OR2M3: variants seen among roughly 807,000 people sequenced by gnomAD.
OR2M3 encodes the protein olfactory receptor 2M3.
A neutral mutation model predicts 4.3 loss-of-function variants in OR2M3; 1 was observed. That is an observed-to-expected ratio of 0.23 (90% CI 0.08 to 1.11). OR2M3 has a LOEUF of 1.11. Ranked by LOEUF, OR2M3 falls within the 50% of genes most tolerant of loss-of-function variation. The probability of loss-of-function intolerance (pLI) is 0.54; values close to 1 mark genes in which losing one functional copy is unlikely to be tolerated. For synonymous variants in OR2M3, 151 were observed against 139.4 expected (o/e 1.08, Z -0.59); for missense variants, 410 against 390.4 (o/e 1.05, Z -0.42).
chr1:248,203,001 G>A, intron 1 of OR2M3, 49 bp from the exon 2 acceptor site: 1 of 1,484,750 alleles, frequency 6.7e-7, no homozygotes, highest in South Asian at 1.3e-5. Context: ...GATTTATAAG[G>A]CACTGAGTAA....
chr1:248,197,909 G>A (rs183387889), intron 1 of OR2M3, among the ~76,000 whole-genome samples: 35 of 151,814 alleles, frequency 2.3e-4, no homozygotes, highest in Admixed American at 1.4e-3. Context: ...CTTACACTTG[G>A]TTCTATTCCA....
chr1:248,198,116 G>A (rs761827671), intron 1 of OR2M3, among the ~76,000 whole-genome samples: 1 of 152,028 alleles, frequency 6.6e-6, no homozygotes, highest in Admixed American at 6.6e-5. Flanking sequence ...AGTATAAAAT[G>A]TTTATTTACA....
In OR2M3 at chr1:248,209,021, T is replaced by G. The variant is rs113148791; in HGVS notation, c.*5015T>G. The G allele has an allele frequency of 2.0e-5, 3 of 152,122 alleles. No individual in the cohort carries two copies. The highest frequency in any genetic ancestry group is 4.4e-5 in the Non-Finnish European group (3 of 67,970). The allele number at this position is 152,122 out of a possible 1,614,324, so 9.4% of individuals were successfully genotyped here. A position where few individuals can be genotyped will look rare whatever the true frequency, so the allele number is the denominator to read the frequency against. The stretch of plus-strand genomic sequence containing the variant: ...ACTTCTTGGAGGCTTTGTTTTTAGG[T>G]TTTTTTTCTTGTCTTGAATGAACTG... On this transcript the variant is annotated 3_prime_UTR_variant, in exon 2 of 2. Transcript: ENST00000641626.
chr1:248,203,860 G>A lies in OR2M3; in HGVS notation c.793G>A (p.Asp265Asn), dbSNP rs1666193864. 1 of 1,613,616 alleles carries A rather than the reference G, an allele frequency of 6.2e-7. No individual in the cohort carries two copies. Among genetic ancestry groups the A allele is most frequent in the Middle Eastern group, 1.7e-4 (1 of 6,044 alleles). Residue 265 changes from aspartate to asparagine, a missense_variant, in exon 2 of 2, where the codon GAT becomes AAT. Coordinates refer to ENST00000641626, the MANE Select transcript of OR2M3 (RefSeq NM_001004689.2). Reference protein sequence around the residue: ...ALFMYIRPTSDRSPTQDKMVS... With the variant: ...ALFMYIRPTSNRSPTQDKMVS... ...GTTCATGTACATACGGCCCACATCT[G>A]ATCGCTCCCCAACACAGGACAAGAT...
At chr1:248,198,067 C>T (rs1307282509) in intron 1 of OR2M3, among the ~76,000 whole-genome samples, 2 of 152,138 alleles carry the variant, frequency 1.3e-5, no homozygotes, top group African/African-American at 2.4e-5. Flanking sequence ...TCTTTTAAGA[C>T]GTTTACACCT....
rs1188012687 is a variant in OR2M3 at position 248,212,754 on chromosome 1, T to A, written c.*8748T>A. ...CAGAAACCAGGCTCCTGTCTTTGTT[T>A]CCAGTCTCACCTACTTTCAGCAGAC... is the stretch of plus-strand genomic sequence containing the variant. On this transcript the variant is annotated 3_prime_UTR_variant, in exon 2 of 2. Coordinates refer to ENST00000641626, the MANE Select transcript of OR2M3 (RefSeq NM_001004689.2). 6.6e-6 allele frequency: 1 copy of A among 152,062 alleles called. No individual in the cohort carries two copies. The highest frequency in any genetic ancestry group is 2.4e-5 in the African/African-American group (1 of 41,430). 9.4% of individuals were successfully genotyped at this position (152,062 alleles called of 1,614,324 possible).
Position 248,203,735 on chromosome 1 carries a change from T to A in OR2M3, c.668T>A (p.Leu223Gln). The change falls in exon 2 of 2, where the codon CTG (leucine) becomes CAG (glutamine). Residue 223 changes from leucine (L) to glutamine (Q), a missense_variant. Coordinates refer to ENST00000641626, the MANE Select transcript of OR2M3 (RefSeq NM_001004689.2). ...IIIASYARVI[L>Q]AVIHMGSGEG... ...ATTGCTTCCTATGCTCGAGTTATCC[T>A]GGCTGTCATTCACATGGGATCTGGA... 1.2e-6 allele frequency: 2 copies of A among 1,612,604 alleles called. No individual in the cohort carries two copies. The highest frequency in any genetic ancestry group is 1.7e-6 in the Non-Finnish European group (2 of 1,179,804).
In OR2M3 at chr1:248,204,725, A is replaced by G. The variant is rs899073339; in HGVS notation, c.*719A>G. ...TTTGGACTGGTTCCATATTTTTGCA[A>G]TTGCAAATTGTGCTGCTTTATACAT... On this transcript the variant is annotated 3_prime_UTR_variant, in exon 2 of 2. Transcript: ENST00000641626. The G allele has an allele frequency of 1.3e-5, 2 of 151,966 alleles. No homozygotes were observed. The highest frequency in any genetic ancestry group is 4.8e-5 in the African/African-American group (2 of 41,346). 9.4% of individuals were successfully genotyped at this position (151,966 alleles called of 1,614,324 possible).
At chr1:248,201,276 C>T (rs1037614017) in intron 1 of OR2M3, among the ~76,000 whole-genome samples, 9 of 151,906 alleles carry the variant, frequency 5.9e-5, no homozygotes, top group African/African-American at 2.2e-4. Flanking sequence ...ATTTGGATAA[C>T]CCTTTCCTGT....
rs1190528880 is a variant in OR2M3 at position 248,203,948 on chromosome 1, A to G, written c.881A>G (p.Asn294Ser). Residue 294 changes from asparagine (N) to serine (S), a missense_variant, in exon 2 of 2, where the codon AAC becomes AGC. Asn to Ser is a conservative substitution (Grantham distance 46). Coordinates refer to ENST00000641626, the MANE Select transcript of OR2M3 (RefSeq NM_001004689.2). ...AATCCCCTCATCTACAGCCTCCGCA[A>G]CAAGGAGGTGACCAGAGCATTCATG... ...MLNPLIYSLR[N>S]KEVTRAFMKI... 2 of 1,613,872 alleles carry G rather than the reference A, an allele frequency of 1.2e-6. No individual in the cohort carries two copies. Among genetic ancestry groups the G allele is most frequent in the Non-Finnish European group, 1.7e-6 (2 of 1,179,914 alleles).
At chr1:248,202,264 C>A (rs1666165712) in intron 1 of OR2M3, among the ~76,000 whole-genome samples, 1 of 127,120 alleles carries the variant, frequency 7.9e-6, no homozygotes, top group Non-Finnish European at 1.8e-5. Flanking sequence ...ATCCCTGCCT[C>A]CCCCATCACA....
rs570649197 is a variant in OR2M3, at chr1:248,207,742, G to A, written c.*3736G>A. On this transcript the variant is annotated 3_prime_UTR_variant, in exon 2 of 2. Transcript: ENST00000641626. ...TTGGCCTATCATATGGTCTATCTTG[G>A]AGAATGTTCTGTGTACTGATGAATA... 3.1e-4 allele frequency: 47 copies of A among 152,142 alleles called. No individual in the cohort carries two copies. Among genetic ancestry groups the A allele is most frequent in the African/African-American group, 1.1e-3 (47 of 41,522 alleles). 9.4% of individuals were successfully genotyped at this position (152,142 alleles called of 1,614,324 possible).
chr1:248,203,702 C>G lies in OR2M3; in HGVS notation c.635C>G (p.Ala212Gly), dbSNP rs1400401996. ...ATAGTAATGATTGTTTTCCCTGTTG[C>G]AATCATCATTGCTTCCTATGCTCGA... ...CCIVMIVFPVAIIIASYARVI... is the reference protein window; with the variant it reads ...CCIVMIVFPVGIIIASYARVI... Residue 212 changes from alanine (A) to glycine (G), a missense_variant, in exon 2 of 2, where the codon GCA (alanine) becomes GGA (glycine). Coordinates refer to ENST00000641626, the MANE Select transcript of OR2M3 (RefSeq NM_001004689.2). The G allele has an allele frequency of 8.1e-6, 13 of 1,612,866 alleles. No homozygotes were observed. Among genetic ancestry groups the G allele is most frequent in the Non-Finnish European group, 1.1e-5 (13 of 1,179,814 alleles).
rs1666280433 is a variant in OR2M3, at chr1:248,211,271, T to G, written c.*7265T>G. On this transcript the variant is annotated 3_prime_UTR_variant, in exon 2 of 2. Coordinates refer to ENST00000641626, the MANE Select transcript of OR2M3 (RefSeq NM_001004689.2). Reference sequence around the variant, plus strand: ...CTCTAATTACTTCCATCACAAAAAGTTAACTTTTATTATGGGATCCCAGAT... The same window carrying G: ...CTCTAATTACTTCCATCACAAAAAGGTAACTTTTATTATGGGATCCCAGAT... The G allele has an allele frequency of 6.6e-6, 1 of 152,130 alleles. No individual in the cohort carries two copies. The highest frequency in any genetic ancestry group is 1.5e-5 in the Non-Finnish European group (1 of 68,016). The allele number at this position is 152,130 out of a possible 1,614,324, so 9.4% of individuals were successfully genotyped here. A position where few individuals can be genotyped will look rare whatever the true frequency, so the allele number is the denominator to read the frequency against.
At chr1:248,201,829 CATAAAT>C (rs1428189641) in intron 1 of OR2M3, among the ~76,000 whole-genome samples, 3 of 152,034 alleles carry the variant, frequency 2.0e-5, no homozygotes, top group Non-Finnish European at 4.4e-5. Flanking sequence ...CCTCTTATAA[CATAAAT>C]TGTTTTATAT....
At chr1:248,200,714 T>A (rs1034399028) in intron 1 of OR2M3, among the ~76,000 whole-genome samples, 1 of 152,180 alleles carries the variant, frequency 6.6e-6, no homozygotes, top group African/African-American at 2.4e-5. Flanking sequence ...TTCTTAGTAT[T>A]CCCAGGTCAA....
Position 248,203,983 on chromosome 1 carries a change from G to T in OR2M3, c.916G>T (p.Gly306Ter). 1.2e-6 allele frequency: 2 copies of T among 1,613,812 alleles called. No homozygotes were observed. Among genetic ancestry groups the T allele is most frequent in the Non-Finnish European group, 1.7e-6 (2 of 1,179,870 alleles). Residue 306 changes from glycine (G) to a stop codon, truncating the protein, a stop_gained, in exon 2 of 2, where the codon GGA (glycine) becomes TGA (stop). Coordinates refer to ENST00000641626, the MANE Select transcript of OR2M3 (RefSeq NM_001004689.2). LOFTEE classifies it high-confidence loss of function. ...EVTRAFMKIL[G>*]KGKSGE ...GACCAGAGCATTCATGAAGATCTTA[G>T]GAAAGGGCAAGTCTGGAGAGTGAGT...
chr1:248,204,130 GC>G lies in OR2M3; in HGVS notation c.*125del, dbSNP rs1666198682. 1.3e-6 allele frequency: 1 copy of G among 789,930 alleles called. No homozygotes were observed. The highest frequency in any genetic ancestry group is 2.5e-4 in the Middle Eastern group (1 of 4,076). 48.9% of individuals were successfully genotyped at this position (789,930 alleles called of 1,614,324 possible). A position where few individuals can be genotyped will look rare whatever the true frequency, so the allele number is the denominator to read the frequency against. On this transcript the variant is annotated 3_prime_UTR_variant, in exon 2 of 2. Coordinates refer to ENST00000641626, the MANE Select transcript of OR2M3 (RefSeq NM_001004689.2). ...TAAATCTGCAATGACATATTTATGTGCACCTATATAATTTATTTCAGATAAA... is the reference window on the plus strand; with the variant it reads ...TAAATCTGCAATGACATATTTATGTGACCTATATAATTTATTTCAGATAAA...
chr1:248,197,481 T>C (rs4916110), intron 1 of OR2M3, among the ~76,000 whole-genome samples, 180 bp downstream of exon 1: 115,893 of 152,008 alleles, frequency 0.76, 44,334 homozygotes, highest in South Asian at 0.91. Flanking sequence ...TGTGGTACAA[T>C]CTGAGGCAGA....
Sources: allele counts gnomAD v4.1 joint callset (sites outside exome capture counted in the v4.1 genomes callset), GRCh38; gene constraint gnomAD v4.1.1; transcripts MANE v1.5; gene names NCBI Gene and HGNC (gene_info 2026-07-23, HGNC 2026-07-21).